TBC1D9B: variants seen among roughly 807,000 people sequenced by gnomAD.
TBC1D9B encodes TBC1 domain family, member 9B (with GRAM domain).
A neutral mutation model predicts 121.1 loss-of-function variants in TBC1D9B; 87 were observed. The ratio of observed to expected loss-of-function variants is 0.72; its 90% CI spans 0.60 to 0.86. TBC1D9B has a LOEUF of 0.86. TBC1D9B is among the 40% of genes least tolerant of loss of function. TBC1D9B has a pLI of 0.00. For synonymous variants in TBC1D9B, 668 were observed against 670.1 expected (o/e 1.00, Z 0.05); for missense variants, 1,540 against 1,628.6 (o/e 0.95, Z 0.94).
In TBC1D9B at chr5:179,865,711, G is replaced by T. The variant is rs1197752678; in HGVS notation, c.2914+127C>A. ...CTGTGCATCCCGAGGCCTGCTCCCT[G>T]ATCGGGGGACGCATCCGCCATCTCC... On this transcript the variant is annotated intron_variant, in intron 19 of 20. Coordinates refer to ENST00000355235, the MANE Select transcript of TBC1D9B (RefSeq NM_015043.4). This position sits in a 1 kb window ranked among gnomAD's most constrained non-coding sequence, Gnocchi z 5.1. The T allele has an allele frequency of 9.1e-7, 1 of 1,100,084 alleles. No homozygotes were observed. The highest frequency in any genetic ancestry group is 1.3e-6 in the Non-Finnish European group (1 of 758,172). The allele number at this position is 1,100,084 out of a possible 1,614,324, so 68.1% of individuals were successfully genotyped here.
In TBC1D9B at chr5:179,891,165, C is replaced by T. The variant is rs893100320; in HGVS notation, c.1044+214G>A. Among the ~76,000 whole-genome samples the T allele has an allele frequency of 1.6e-4, 24 of 152,220 alleles. 1 individual carries two copies. Among genetic ancestry groups the T allele is most frequent in the Admixed American group, 4.6e-4 (7 of 15,288 alleles). ...CAAGCAGTGTGCCCCCACCATGTTA[C>T]CTGCCTCCCCAACAGGGCAGGTGCC... On this transcript the variant is annotated intron_variant, in intron 6 of 20. Coordinates refer to ENST00000355235, the MANE Select transcript of TBC1D9B (RefSeq NM_015043.4). This position sits in a 1 kb window ranked among gnomAD's most constrained non-coding sequence, Gnocchi z 4.3.
intron 13 of TBC1D9B, 42 bp downstream of exon 13, chr5:179,873,077 A>G (rs1481119683): frequency 6.2e-7 from 1 of 1,612,246 alleles, no homozygotes; most frequent in African/African-American, 1.3e-5. Flanking sequence ...CCCACATGCC[A>G]GATGGAGCGG....
rs545164760 is a variant in TBC1D9B, at chr5:179,876,713, G to A, written c.1783-676C>T. Among the ~76,000 whole-genome samples the A allele has an allele frequency of 2.0e-5, 3 of 152,258 alleles. No homozygotes were observed. The East Asian group carries it at 5.8e-4, about 29-fold the overall frequency. ...GATGTGGAGAAATCGGAACCCTTGTGAACTGCTGGTGGGAATATAAAATGG... is the reference window on the plus strand; with the variant it reads ...GATGTGGAGAAATCGGAACCCTTGTAAACTGCTGGTGGGAATATAAAATGG... On this transcript the variant is annotated intron_variant, in intron 10 of 20. Transcript: ENST00000355235.
rs779282668 is a variant in TBC1D9B, at chr5:179,879,670, G to A, written c.1374C>T (p.Leu458=). 25 of 1,614,162 alleles carry A rather than the reference G, an allele frequency of 1.5e-5. No individual in the cohort carries two copies. Among genetic ancestry groups the A allele is most frequent in the Non-Finnish European group, 2.1e-5 (25 of 1,180,006 alleles). ...CCTCCATGGGCGAGTTTTTCTGGAA[G>A]AGCTTCAGCAGGCCCTGGGATGCGG... The part of the protein sequence containing the change: ...APTASQGLLK[L]FQKNSPMEDL... The change falls in exon 8 of 21, where the codon CTC becomes CTT. Residue 458 remains leucine (L), a synonymous_variant. Transcript: ENST00000355235.
At chr5:179,884,136 G>A (rs1760612401) in intron 7 of TBC1D9B, among the ~76,000 whole-genome samples, 1 of 152,122 alleles carries the variant, frequency 6.6e-6, no homozygotes, top group South Asian at 2.1e-4. Flanking sequence ...GCAGCGATAA[G>A]GCTGTGGGTA....
chr5:179,892,947 C>A (rs1462398882), intron 5 of TBC1D9B, among the ~76,000 whole-genome samples: 1 of 152,214 alleles, frequency 6.6e-6, no homozygotes, highest in Admixed American at 6.5e-5. Context: ...GAGCCCCTTC[C>A]CATCATAGGG....
At position 179,907,695 on chromosome 5, in the gene TBC1D9B, G is replaced by T. The variant is rs1256529507; in HGVS notation, c.118+9C>A. ...CGCCCACAGGCCCGGCCGCCCGCGC[G>T]CCTCTCACCCGTAAGGCCGCCGCCC... On this transcript the variant is annotated intron_variant, in intron 1 of 20. Coordinates refer to ENST00000355235, the MANE Select transcript of TBC1D9B (RefSeq NM_015043.4). The surrounding 1 kb of genome is among the most constrained non-coding windows in gnomAD (Gnocchi z 5.3). 3 of 1,096,582 alleles carry T rather than the reference G, an allele frequency of 2.7e-6. No homozygotes were observed. The African/African-American group carries it at 5.1e-5, about 19-fold the overall frequency. 67.9% of individuals were successfully genotyped at this position (1,096,582 alleles called of 1,614,324 possible).
Position 179,907,329 on chromosome 5 carries a change from G to A in TBC1D9B, c.118+375C>T, listed in dbSNP as rs1761351996. 6.6e-6 allele frequency among the ~76,000 whole-genome samples: 1 copy of A among 152,140 alleles called. No individual in the cohort carries two copies. Among genetic ancestry groups the A allele is most frequent in the Non-Finnish European group, 1.5e-5 (1 of 68,018 alleles). On this transcript the variant is annotated intron_variant, in intron 1 of 20. Transcript: ENST00000355235. This position sits in a 1 kb window ranked among gnomAD's most constrained non-coding sequence, Gnocchi z 5.3. ...AGAGGCACCTGGGGAAACTGAGGTG[G>A]AGGATGAGGACAGGGCGGTCTCGCC...
rs1761360911 is a variant in TBC1D9B at position 179,907,594 on chromosome 5, C to T, written c.118+110G>A. Reference sequence around the variant, plus strand: ...GCCGCGCGCTGGCGTGCGTGTCCGCCGCGACGCGCCGAGGCCGGGCCGGAA... The same window carrying T: ...GCCGCGCGCTGGCGTGCGTGTCCGCTGCGACGCGCCGAGGCCGGGCCGGAA... On this transcript the variant is annotated intron_variant, in intron 1 of 20. Coordinates refer to ENST00000355235, the MANE Select transcript of TBC1D9B (RefSeq NM_015043.4). The surrounding 1 kb of genome is among the most constrained non-coding windows in gnomAD (Gnocchi z 5.3). The T allele has an allele frequency of 2.1e-5, 11 of 535,146 alleles. No individual in the cohort carries two copies. Among genetic ancestry groups the T allele is most frequent in the Non-Finnish European group, 2.4e-5 (10 of 421,058 alleles). The allele number at this position is 535,146 out of a possible 1,614,324, so 33.1% of individuals were successfully genotyped here. A position where few individuals can be genotyped will look rare whatever the true frequency, so the allele number is the denominator to read the frequency against.
rs759291783 is a variant in TBC1D9B at position 179,899,239 on chromosome 5, T to C, written c.298A>G (p.Ile100Val). ...GTGATATCTTCCTCACTGTCGAAGA[T>C]GGACAGTGTCTGGAGCAAGTTATTT... Reference protein sequence around the residue: ...LENNLLQTLSIFDSEEDITTF... With the variant: ...LENNLLQTLSVFDSEEDITTF... Residue 100 changes from isoleucine (I) to valine (V), a missense_variant, in exon 3 of 21, where the codon ATC (isoleucine) becomes GTC (valine). Transcript: ENST00000355235. The C allele has an allele frequency of 1.2e-6, 2 of 1,614,004 alleles. No individual in the cohort carries two copies. The highest frequency in any genetic ancestry group is 1.7e-6 in the Non-Finnish European group (2 of 1,180,044).
intron 3 of TBC1D9B, among the ~76,000 whole-genome samples, chr5:179,897,206 C>A (rs1761046262): frequency 6.6e-6 from 1 of 152,162 alleles, no homozygotes. Context: ...TGCGCCTGGC[C>A]CATCCTTCCT....
chr5:179,899,525 C>A (rs1342856461), intron 2 of TBC1D9B, among the ~76,000 whole-genome samples: 1 of 152,184 alleles, frequency 6.6e-6, no homozygotes, highest in South Asian at 2.1e-4. Flanking sequence ...CAGGCTGAAT[C>A]ACAGTCGTGT....
chr5:179,906,861 T>G (rs542916471), intron 1 of TBC1D9B, among the ~76,000 whole-genome samples: 1 of 152,370 alleles, frequency 6.6e-6, no homozygotes, highest in East Asian at 1.9e-4. Flanking sequence ...CGCAATCCTG[T>G]AGGGCAACAG....
At position 179,865,797 on chromosome 5, in the gene TBC1D9B, C is replaced by A. The variant is rs185832645; in HGVS notation, c.2914+41G>T. On this transcript the variant is annotated intron_variant, in intron 19 of 20. Transcript: ENST00000355235. This position sits in a 1 kb window ranked among gnomAD's most constrained non-coding sequence, Gnocchi z 5.1. The stretch of plus-strand genomic sequence containing the variant: ...AGACCAGCAAGCAAGGGTGCCTCAA[C>A]GCTGGGGTCTCTAAGAACAGCGGCA... 1.3e-6 allele frequency: 2 copies of A among 1,561,534 alleles called. No individual in the cohort carries two copies. Among genetic ancestry groups the A allele is most frequent in the African/African-American group, 2.7e-5 (2 of 73,488 alleles).
rs1759896803 is a variant in TBC1D9B at position 179,863,165 on chromosome 5, C to T, written c.*283G>A. 2.2e-6 allele frequency: 1 copy of T among 460,634 alleles called. No individual in the cohort carries two copies. The highest frequency in any genetic ancestry group is 3.9e-6 in the Non-Finnish European group (1 of 256,246). 28.5% of individuals were successfully genotyped at this position (460,634 alleles called of 1,614,324 possible). A position where few individuals can be genotyped will look rare whatever the true frequency, so the allele number is the denominator to read the frequency against. On this transcript the variant is annotated 3_prime_UTR_variant, in exon 21 of 21. Transcript: ENST00000355235. The surrounding 1 kb of genome is among the most constrained non-coding windows in gnomAD (Gnocchi z 4.5). ...AGATCTGAGAGCCTGTAATGCTAGG[C>T]AGGTGCAGCTGGTGCGAGGCGGGCT... is the stretch of plus-strand genomic sequence containing the variant.
At chr5:179,870,205 G>A in intron 16 of TBC1D9B, 50 bp downstream of exon 16, 1 of 1,601,358 alleles carries the variant, frequency 6.2e-7, no homozygotes, top group East Asian at 2.2e-5. Flanking sequence ...AGGCTTCCTG[G>A]GAAAGGGTGA....
Position 179,907,563 on chromosome 5 carries a change from C to T in TBC1D9B, c.118+141G>A, listed in dbSNP as rs577284767. ...CTCCCGGGTCCTGGCCTCGCGCCCC[C>T]GCCCCGCCGCGCGCTGGCGTGCGTG... is the stretch of plus-strand genomic sequence containing the variant. On this transcript the variant is annotated intron_variant, in intron 1 of 20. Coordinates refer to ENST00000355235, the MANE Select transcript of TBC1D9B (RefSeq NM_015043.4). The surrounding 1 kb of genome is among the most constrained non-coding windows in gnomAD (Gnocchi z 5.3). The T allele has an allele frequency of 0.011, 3,540 of 330,570 alleles. 64 individuals carry two copies. The highest frequency in any genetic ancestry group is 0.061 in the African/African-American group (2,680 of 44,278). The allele number at this position is 330,570 out of a possible 1,614,324, so 20.5% of individuals were successfully genotyped here.
In TBC1D9B at chr5:179,879,346, G is replaced by A. The variant is rs1160374853; in HGVS notation, c.1417-149C>T. On this transcript the variant is annotated intron_variant, in intron 8 of 20. Coordinates refer to ENST00000355235, the MANE Select transcript of TBC1D9B (RefSeq NM_015043.4). ...CAATTCCCGGGAAAGACCAGGCCGC[G>A]CTGAGCCACACCTCCCAAGGCTCAG... 3.9e-6 allele frequency: 5 copies of A among 1,286,188 alleles called. No individual in the cohort carries two copies. The Admixed American group carries it at 6.9e-5, about 18-fold the overall frequency. 79.7% of individuals were successfully genotyped at this position (1,286,188 alleles called of 1,614,324 possible). A position where few individuals can be genotyped will look rare whatever the true frequency, so the allele number is the denominator to read the frequency against.
intron 20 of TBC1D9B, among the ~76,000 whole-genome samples, 170 bp from the exon 21 acceptor site, chr5:179,864,298 G>A (rs1285073580): frequency 1.3e-5 from 2 of 152,122 alleles, no homozygotes; most frequent in South Asian, 2.1e-4. Flanking sequence ...CACAGGCTCA[G>A]AGAGGCCACA....
Sources: allele counts gnomAD v4.1 joint callset (sites outside exome capture counted in the v4.1 genomes callset), GRCh38; gene constraint gnomAD v4.1.1; non-coding constraint Gnocchi (gnomAD v3.1); transcripts MANE v1.5; gene names NCBI Gene and HGNC (gene_info 2026-07-23, HGNC 2026-07-21).